Variants in CHLSN observed in about 807,000 individuals in gnomAD.
The protein encoded by CHLSN is protein cholesin.
chr7:1,065,665 C>A, the CHLSN span, among the ~76,000 whole-genome samples: 1 of 152,170 alleles, frequency 6.6e-6, no homozygotes, highest in African/African-American at 2.4e-5. Flanking sequence ...AGGGCGTGGG[C>A]CAGGGAGGGG....
At chr7:1,127,818 C>T in the CHLSN span, among the ~76,000 whole-genome samples, 2 of 79,286 alleles carry the variant, frequency 2.5e-5, 1 homozygote, top group Non-Finnish European at 4.7e-5. Flanking sequence ...CACCGTCACC[C>T]GGGCTGGAGT....
At chr7:1,129,759 CTGAG>C in the CHLSN span, among the ~76,000 whole-genome samples, 1 of 152,160 alleles carries the variant, frequency 6.6e-6, no homozygotes. Context: ...GGTCTTTTTT[CTGAG>C]TGTTTTTATT....
chr7:983,271 C>T, the CHLSN span: 1 of 1,543,766 alleles, frequency 6.5e-7, no homozygotes, highest in Non-Finnish European at 8.7e-7. Context: ...TGCTCTGCGC[C>T]TGCGCCCAAG....
chr7:1,012,222 G>A, the CHLSN span, among the ~76,000 whole-genome samples: 18 of 152,250 alleles, frequency 1.2e-4, no homozygotes, highest in African/African-American at 4.3e-4. Context: ...CGCGGTGGCC[G>A]AGGGTCTGTC....
chr7:1,093,727 T>A, the CHLSN span: 6 of 460,552 alleles, frequency 1.3e-5, 1 homozygote, highest in South Asian at 7.8e-5. Context: ...GCGGTGATGA[T>A]GTAAAAACCT....
At chr7:1,040,183 T>TAAAAAAATAAAAAAAAAAA in the CHLSN span, among the ~76,000 whole-genome samples, 2 of 74,532 alleles carry the variant, frequency 2.7e-5, no homozygotes, top group African/African-American at 9.0e-5. Flanking sequence ...AAAATAAATT[T>TAAAAAAATAAAAAAAAAAA]AAAAAAAAAA....
the CHLSN span, chr7:1,021,687 G>T: frequency 2.4e-6 from 1 of 410,620 alleles, no homozygotes; most frequent in Non-Finnish European, 3.3e-6. Flanking sequence ...TCGGCTGGAG[G>T]CAGGACACCA....
the CHLSN span, among the ~76,000 whole-genome samples, chr7:1,016,562 CGCACACCAGTACACAGCA>C: frequency 1.4e-5 from 2 of 144,502 alleles, no homozygotes; most frequent in Non-Finnish European, 3.0e-5. Context: ...CGCACAGCAG[CGCACACCAGTACACAGCA>C]GCACACAGCA....
At chr7:1,011,239 CAT>C in the CHLSN span, among the ~76,000 whole-genome samples, 5 of 147,888 alleles carry the variant, frequency 3.4e-5, no homozygotes, top group East Asian at 1.0e-3. Flanking sequence ...CAGACACCCA[CAT>C]ACCCACCCAC....
At chr7:992,424 T>C in the CHLSN span, among the ~76,000 whole-genome samples, 1 of 152,204 alleles carries the variant, frequency 6.6e-6, no homozygotes, top group Non-Finnish European at 1.5e-5. Flanking sequence ...TGAGGCCATC[T>C]GAGTGCCGGG....
chr7:982,634 G>C, the CHLSN span, among the ~76,000 whole-genome samples: 1 of 152,250 alleles, frequency 6.6e-6, no homozygotes, highest in Non-Finnish European at 1.5e-5. Context: ...TGCAGGTGGT[G>C]GCCTGTGAGG....
the CHLSN span, chr7:987,099 C>T: frequency 6.5e-6 from 10 of 1,528,886 alleles, no homozygotes; most frequent in East Asian, 9.5e-5. Flanking sequence ...TGCCCCACGC[C>T]TCTGCAGGGG....
the CHLSN span, chr7:986,557 C>T: frequency 1.3e-6 from 2 of 1,569,364 alleles, no homozygotes; most frequent in Non-Finnish European, 1.7e-6. Context: ...TGGGGACGAT[C>T]ACCGCCTGCC....
chr7:1,015,452 G>A, the CHLSN span, among the ~76,000 whole-genome samples: 1 of 152,232 alleles, frequency 6.6e-6, no homozygotes, highest in African/African-American at 2.4e-5. Flanking sequence ...GCTGTCAGCT[G>A]CCAGTGCCCA....
chr7:1,079,556 G>A, the CHLSN span, among the ~76,000 whole-genome samples: 1 of 152,334 alleles, frequency 6.6e-6, no homozygotes, highest in South Asian at 2.1e-4. Context: ...CCCAGGAAGA[G>A]GCCGGGAAAA....
the CHLSN span, among the ~76,000 whole-genome samples, chr7:1,130,260 G>A: frequency 6.6e-6 from 1 of 152,226 alleles, no homozygotes; most frequent in Non-Finnish European, 1.5e-5. Context: ...TGTGATGAGG[G>A]AGCCGAAAGA....
chr7:1,047,579 G>A, the CHLSN span, among the ~76,000 whole-genome samples: 2 of 152,226 alleles, frequency 1.3e-5, no homozygotes, highest in African/African-American at 4.8e-5. Flanking sequence ...TACTACAAAA[G>A]AAAATAAACA....
chr7:1,016,046 C>CCAGCACACAG, the CHLSN span, among the ~76,000 whole-genome samples: 1 of 135,648 alleles, frequency 7.4e-6, no homozygotes, highest in Non-Finnish European at 1.6e-5. Flanking sequence ...CGGTGTCACG[C>CCAGCACACAG]CAGCACACAG....
chr7:1,085,824 T>A, the CHLSN span, among the ~76,000 whole-genome samples: 1 of 146,780 alleles, frequency 6.8e-6, no homozygotes, highest in African/African-American at 2.5e-5. Flanking sequence ...CAGAGCAAAA[T>A]CCTGTCTCAA....
Sources: gnomAD v4.1 joint callset for allele counts (sites outside exome capture counted in the v4.1 genomes callset) on GRCh38, gnomAD v4.1.1 for gene constraint, MANE v1.5 for transcripts, NCBI Gene and HGNC (gene_info 2026-07-23, HGNC 2026-07-21) for gene names.